Variants in NDUFA5 observed in about 807,000 individuals in gnomAD.
NDUFA5 encodes NADH:ubiquinone oxidoreductase subunit A5, also known as NADH dehydrogenase [ubiquinone] 1 alpha subcomplex subunit 5.
Under a neutral mutation model 19.8 loss-of-function variants are expected in NDUFA5, and 11 were observed. The observed-to-expected ratio is 0.56, with a 90% CI of 0.35 to 0.92. The LOEUF (loss-of-function observed/expected upper bound fraction) is 0.92. Ranked by LOEUF, NDUFA5 falls within the 40% of genes least tolerant of loss-of-function variation. NDUFA5 has a pLI of 0.01. For missense variants in NDUFA5, 109 were observed against 134.2 expected (o/e 0.81, Z 0.93); for synonymous variants, 47 against 46.8 (o/e 1.00, Z -0.01).
At chr7:123,557,470 T>C (rs1411328172) in intron 1 of NDUFA5, 22 bp from the exon 2 acceptor site, 1 of 1,612,694 alleles carries the variant, frequency 6.2e-7, no homozygotes. Flanking sequence ...CAAAACACGA[T>C]TCATGCTGTT....
At chr7:123,544,111 A>T (rs1798037539) in intron 4 of NDUFA5, among the ~76,000 whole-genome samples, 1 of 152,226 alleles carries the variant, frequency 6.6e-6, no homozygotes, top group Admixed American at 6.5e-5. Flanking sequence ...TAAATGAAAC[A>T]ATTGAATATT....
At chr7:123,543,009 T>A (rs912642977) in intron 4 of NDUFA5, among the ~76,000 whole-genome samples, 1 of 152,090 alleles carries the variant, frequency 6.6e-6, no homozygotes, top group African/African-American at 2.4e-5. Context: ...AAACACAGAA[T>A]AAGCGCTCAG....
the NDUFA5 span, among the ~76,000 whole-genome samples, chr7:123,573,256 T>G: frequency 3.4e-5 from 5 of 148,478 alleles, no homozygotes; most frequent in Non-Finnish European, 7.5e-5. Flanking sequence ...CCCCCCCGCC[T>G]CCCCATAACC....
the NDUFA5 span, among the ~76,000 whole-genome samples, chr7:123,563,949 T>A: frequency 2.0e-5 from 3 of 152,104 alleles, no homozygotes; most frequent in Admixed American, 6.5e-5. Flanking sequence ...CAAACATCTA[T>A]GAAAAAATGA....
rs371230838 is a variant in NDUFA5 at position 123,550,575 on chromosome 7, T to C, written c.78A>G (p.Ile26Met). ...VCNTPHERLR[I>M]LYTKILDVLE... is the part of the protein sequence containing the mutation. ...GAACATCAAGAATCTTTGTGTACAA[T>C]ATTCTTAGCCTCTGAAAAGACAAAC... is the stretch of plus-strand genomic sequence containing the variant. The change falls in exon 3 of 5, where the codon ATA becomes ATG. Residue 26 changes from isoleucine (I) to methionine (M), a missense_variant. Transcript: ENST00000355749. 6 of 1,594,210 alleles carry C rather than the reference T, an allele frequency of 3.8e-6. No individual in the cohort carries two copies. The highest frequency in any genetic ancestry group is 2.2e-5 in the South Asian group (2 of 89,850).
the NDUFA5 span, chr7:123,598,777 A>C: frequency 7.2e-5 from 11 of 152,202 alleles, no homozygotes; most frequent in African/African-American, 2.4e-4. Context: ...TACCTTACTA[A>C]AAAATACTAT....
the NDUFA5 span, among the ~76,000 whole-genome samples, chr7:123,568,959 G>A: frequency 6.6e-6 from 1 of 152,126 alleles, no homozygotes; most frequent in Non-Finnish European, 1.5e-5. Context: ...ATGATAAAAT[G>A]GGGGACAGAA....
In NDUFA5 at chr7:123,540,145, T is replaced by C. The variant is rs773981476; in HGVS notation, c.*1974A>G. On this transcript the variant is annotated 3_prime_UTR_variant, in exon 5 of 5. Coordinates refer to ENST00000355749, the MANE Select transcript of NDUFA5 (RefSeq NM_005000.5). ...TGGTTTCTTATCTGGAAAATGAAGA[T>C]AATTTGTAGTATCACTCTTAGGGTT... 1.3e-5 allele frequency: 2 copies of C among 152,172 alleles called. No homozygotes were observed. Among genetic ancestry groups the C allele is most frequent in the African/African-American group, 4.8e-5 (2 of 41,444 alleles). 9.4% of individuals were successfully genotyped at this position (152,172 alleles called of 1,614,324 possible).
At chr7:123,565,555 T>C in the NDUFA5 span, among the ~76,000 whole-genome samples, 1 of 152,320 alleles carries the variant, frequency 6.6e-6, no homozygotes, top group South Asian at 2.1e-4. Flanking sequence ...CCAAAATTTA[T>C]ATGTTGAAGT....
the NDUFA5 span, among the ~76,000 whole-genome samples, chr7:123,582,290 T>A: frequency 1.1e-4 from 16 of 151,686 alleles, no homozygotes; most frequent in Non-Finnish European, 2.1e-4. Flanking sequence ...GGGGGTTGCA[T>A]TACAATATCC....
At chr7:123,557,886 T>C, upstream of NDUFA5, 1 of 1,607,164 alleles carries the variant, frequency 6.2e-7, no homozygotes, top group Non-Finnish European at 8.5e-7. Context: ...TCTGTCACCC[T>C]GGAAACAGCT....
chr7:123,580,559 G>A, the NDUFA5 span, among the ~76,000 whole-genome samples: 2 of 152,008 alleles, frequency 1.3e-5, no homozygotes, highest in Non-Finnish European at 2.9e-5. Context: ...AATGCCATGA[G>A]GTTAAATGAG....
the NDUFA5 span, among the ~76,000 whole-genome samples, chr7:123,588,825 A>G: frequency 6.7e-6 from 1 of 149,486 alleles, no homozygotes; most frequent in Non-Finnish European, 1.5e-5. Context: ...TTCTTTTTTG[A>G]CCCACTGGTT....
the NDUFA5 span, among the ~76,000 whole-genome samples, chr7:123,568,417 G>A: frequency 2.0e-5 from 3 of 151,984 alleles, no homozygotes; most frequent in Non-Finnish European, 4.4e-5. Context: ...CTACTTGGGA[G>A]GCTGAGACAG....
the NDUFA5 span, among the ~76,000 whole-genome samples, chr7:123,589,971 T>G: frequency 6.6e-6 from 1 of 152,288 alleles, no homozygotes; most frequent in East Asian, 1.9e-4. Flanking sequence ...CCACATCCTC[T>G]CCAGCATCTG....
intron 4 of NDUFA5, among the ~76,000 whole-genome samples, chr7:123,545,102 C>T (rs1481629661): frequency 6.6e-6 from 1 of 151,946 alleles, no homozygotes; most frequent in Non-Finnish European, 1.5e-5. Flanking sequence ...TTACATTTTA[C>T]TACTCAATAT....
chr7:123,593,534 T>C, the NDUFA5 span, among the ~76,000 whole-genome samples: 1 of 152,186 alleles, frequency 6.6e-6, no homozygotes, highest in Admixed American at 6.6e-5. Flanking sequence ...TTACAAAGCT[T>C]AGTTTGGCTG....
chr7:123,571,536 T>C, the NDUFA5 span, among the ~76,000 whole-genome samples: 2 of 152,320 alleles, frequency 1.3e-5, no homozygotes, highest in Non-Finnish European at 2.9e-5. Flanking sequence ...CAGTTTATCT[T>C]TTTATTTGTA....
At chr7:123,574,066 T>C in the NDUFA5 span, among the ~76,000 whole-genome samples, 1 of 152,206 alleles carries the variant, frequency 6.6e-6, no homozygotes, top group Non-Finnish European at 1.5e-5. Flanking sequence ...GTGATAGCAG[T>C]CTATTTCCAC....
Sources: gnomAD v4.1 joint callset for allele counts (sites outside exome capture counted in the v4.1 genomes callset) on GRCh38, gnomAD v4.1.1 for gene constraint, MANE v1.5 for transcripts, NCBI Gene and HGNC (gene_info 2026-07-23, HGNC 2026-07-21) for gene names.